Variants in SPATA6 observed in about 807,000 individuals in gnomAD.
SPATA6 encodes spermatogenesis-associated protein 6.
A neutral mutation model predicts 65.3 loss-of-function variants in SPATA6; 56 were observed. The observed-to-expected ratio is 0.86, with a 90% CI of 0.69 to 1.07. SPATA6 has a LOEUF of 1.07. Ranked by LOEUF, SPATA6 falls within the 50% of genes least tolerant of loss-of-function variation. The pLI is 0.00. For synonymous variants in SPATA6, 199 were observed against 213.2 expected (o/e 0.93, Z 0.58); for missense variants, 590 against 594.8 (o/e 0.99, Z 0.08).
In SPATA6 at chr1:48,451,545, A is replaced by C; in HGVS notation, c.238+7T>G. 1 of 1,605,014 alleles carries C rather than the reference A, an allele frequency of 6.2e-7. No homozygotes were observed. The highest frequency in any genetic ancestry group is 8.5e-7 in the Non-Finnish European group (1 of 1,176,742). On this transcript the variant is annotated splice_region_variant and intron_variant, in intron 3 of 12. Coordinates refer to ENST00000371847, the MANE Select transcript of SPATA6 (RefSeq NM_019073.4). ...AGAATCAGGAATTAAAAAGTTAAAA[A>C]ACTTACATTCAAGCTGTGTAACCAC...
intron 9 of SPATA6, among the ~76,000 whole-genome samples, chr1:48,372,395 C>T (rs1364834774): frequency 6.6e-6 from 1 of 152,184 alleles, no homozygotes; most frequent in Non-Finnish European, 1.5e-5. Context: ...CCTTTGACTC[C>T]ATATCTCACA....
Position 48,296,855 on chromosome 1 carries a change from A to C in SPATA6, c.*1858T>G, listed in dbSNP as rs1345993372. 6.6e-6 allele frequency: 1 copy of C among 152,194 alleles called. No individual in the cohort carries two copies. The highest frequency in any genetic ancestry group is 2.4e-5 in the African/African-American group (1 of 41,444). The allele number at this position is 152,194 out of a possible 1,614,324, so 9.4% of individuals were successfully genotyped here. A position where few individuals can be genotyped will look rare whatever the true frequency, so the allele number is the denominator to read the frequency against. On this transcript the variant is annotated 3_prime_UTR_variant, in exon 13 of 13. Transcript: ENST00000371847. The stretch of plus-strand genomic sequence containing the variant: ...GGGGGTGGTGGCAAGAATAACAAAT[A>C]GTGGTACATGCTAAATTTAGTTTAG...
intron 3 of SPATA6, among the ~76,000 whole-genome samples, chr1:48,437,886 T>C (rs1292089688): frequency 3.8e-5 from 5 of 130,586 alleles, no homozygotes; most frequent in African/African-American, 7.5e-5. Flanking sequence ...AATAAAGATA[T>C]ACTGAATTGA....
At chr1:48,437,897 GA>G (rs71056668) in intron 3 of SPATA6, among the ~76,000 whole-genome samples, 68,206 of 138,848 alleles carry the variant, frequency 0.49, 19,040 homozygotes, top group Admixed American at 0.63. Context: ...ACTGAATTGA[GA>G]AAAAAAAAAA....
At chr1:48,420,788 T>C (rs755158450) in intron 3 of SPATA6, among the ~76,000 whole-genome samples, 1 of 152,108 alleles carries the variant, frequency 6.6e-6, no homozygotes, top group Non-Finnish European at 1.5e-5. Context: ...TGACATTTGA[T>C]ATAATGAAAT....
rs150734364 is a variant in SPATA6 at position 48,375,067 on chromosome 1, G to C, written c.909+10242C>G. On this transcript the variant is annotated intron_variant, in intron 9 of 12. Transcript: ENST00000371847. ...TCAAATAGGCCCTTTTGCTGCCACA[G>C]CTAAGATCTTCAACTTAGAAATACC... Among the ~76,000 whole-genome samples, 1,065 of 152,270 alleles carry C rather than the reference G, an allele frequency of 7.0e-3. 14 individuals are homozygous for C. The highest frequency in any genetic ancestry group is 0.025 in the African/African-American group (1,021 of 41,562).
chr1:48,341,279 G>A (rs1265338108), intron 11 of SPATA6, among the ~76,000 whole-genome samples: 2 of 152,082 alleles, frequency 1.3e-5, no homozygotes, highest in Non-Finnish European at 2.9e-5. Flanking sequence ...ACTTCCCATG[G>A]TTTCAATAAT....
chr1:48,378,967 CAT>C (rs1648239727), intron 9 of SPATA6, among the ~76,000 whole-genome samples: 1 of 152,132 alleles, frequency 6.6e-6, no homozygotes. Flanking sequence ...ACCTGGAAGA[CAT>C]AATGTTAAGT....
chr1:48,409,407 G>T (rs1652005468), intron 5 of SPATA6, among the ~76,000 whole-genome samples: 1 of 152,224 alleles, frequency 6.6e-6, no homozygotes. Flanking sequence ...GCCTTCACTG[G>T]TTGGCACTGA....
At chr1:48,266,426 T>C in the SPATA6 span, among the ~76,000 whole-genome samples, 1 of 152,360 alleles carries the variant, frequency 6.6e-6, no homozygotes, top group South Asian at 2.1e-4. Flanking sequence ...TTGAGTTTTC[T>C]TGTTTGTAAA....
chr1:48,345,722 C>T (rs1646345403), intron 11 of SPATA6, among the ~76,000 whole-genome samples: 1 of 151,950 alleles, frequency 6.6e-6, no homozygotes, highest in Non-Finnish European at 1.5e-5. Context: ...CCTCTATGCA[C>T]ATAAACTTGA....
chr1:48,372,754 C>T (rs1431252034), intron 9 of SPATA6, among the ~76,000 whole-genome samples: 1 of 152,242 alleles, frequency 6.6e-6, no homozygotes, highest in Non-Finnish European at 1.5e-5. Flanking sequence ...GCAGAGGTTC[C>T]CAAACCTCAA....
At chr1:48,364,111 T>A (rs1646914124) in intron 9 of SPATA6, among the ~76,000 whole-genome samples, 2 of 152,204 alleles carry the variant, frequency 1.3e-5, no homozygotes, top group Admixed American at 1.3e-4. Context: ...TTCATCCATG[T>A]CCCTACAAAG....
At chr1:48,271,199 C>G in the SPATA6 span, among the ~76,000 whole-genome samples, 1 of 152,146 alleles carries the variant, frequency 6.6e-6, no homozygotes, top group Non-Finnish European at 1.5e-5. Context: ...TAACATTATA[C>G]TTATCACCCC....
chr1:48,360,324 T>C (rs1043959603), intron 9 of SPATA6, among the ~76,000 whole-genome samples: 3 of 152,094 alleles, frequency 2.0e-5, no homozygotes, highest in Admixed American at 6.6e-5. Flanking sequence ...GAATAGAGTG[T>C]GTTACAGGAT....
chr1:48,298,732 TG>T lies in SPATA6; in HGVS notation c.1447del (p.His483IlefsTer15). The part of the protein sequence containing the change: ...LYKKACSSAS[H>X]TQESF Reference sequence around the variant, plus strand: ...ATGGTCTCAGAAGCTTTCCTGTGTATGTGAAGCAGAACTACAGGCCTTTTTG... The same window carrying T: ...ATGGTCTCAGAAGCTTTCCTGTGTATTGAAGCAGAACTACAGGCCTTTTTG... On this transcript the variant is annotated frameshift_variant, in exon 13 of 13. Coordinates refer to ENST00000371847, the MANE Select transcript of SPATA6 (RefSeq NM_019073.4). LOFTEE classifies it high-confidence loss of function. 5.6e-6 allele frequency: 9 copies of T among 1,613,152 alleles called. No homozygotes were observed. Among genetic ancestry groups the T allele is most frequent in the Non-Finnish European group, 5.9e-6 (7 of 1,179,608 alleles).
chr1:48,369,049 T>C (rs184028860), intron 9 of SPATA6, among the ~76,000 whole-genome samples: 1 of 152,236 alleles, frequency 6.6e-6, no homozygotes, highest in Non-Finnish European at 1.5e-5. Context: ...TGGAGTTTGC[T>C]AGAGGTCCAC....
At chr1:48,407,287 T>G (rs1281043816) in intron 5 of SPATA6, among the ~76,000 whole-genome samples, 3 of 152,160 alleles carry the variant, frequency 2.0e-5, no homozygotes, top group Non-Finnish European at 4.4e-5. Context: ...CTGTCTCCCC[T>G]TGATATGCAG....
intron 3 of SPATA6, among the ~76,000 whole-genome samples, chr1:48,440,798 A>G (rs1196571089): frequency 6.6e-6 from 1 of 152,218 alleles, no homozygotes; most frequent in Non-Finnish European, 1.5e-5. Flanking sequence ...ATATCAGGAG[A>G]AAGCTCGAAA....
Sources: gnomAD v4.1 joint callset for allele counts (sites outside exome capture counted in the v4.1 genomes callset) on GRCh38, gnomAD v4.1.1 for gene constraint, MANE v1.5 for transcripts, NCBI Gene and HGNC (gene_info 2026-07-23, HGNC 2026-07-21) for gene names.